DPP8: variants seen among roughly 807,000 people sequenced by gnomAD.
DPP8 encodes dipeptidyl peptidase 8.
A neutral mutation model predicts 107.5 loss-of-function variants in DPP8; 31 were observed. That is an observed-to-expected ratio of 0.29 (90% CI 0.22 to 0.39). The LOEUF is 0.39. Among genes scored for constraint, DPP8 ranks in the 10% least tolerant of loss-of-function variants. The probability of loss-of-function intolerance (pLI) is 1.00; values close to 1 mark genes in which losing one functional copy is unlikely to be tolerated. For missense variants in DPP8, 842 were observed against 1,076.1 expected (o/e 0.78, Z 3.04); for synonymous variants, 381 against 356.6 (o/e 1.07, Z -0.77).
At chr15:65,495,666 C>T (rs569466454) in intron 5 of DPP8, among the ~76,000 whole-genome samples, 4 of 149,868 alleles carry the variant, frequency 2.7e-5, no homozygotes, top group South Asian at 2.1e-4. Flanking sequence ...TTTGGGAGGC[C>T]GAGGTGGGTG....
intron 4 of DPP8, among the ~76,000 whole-genome samples, chr15:65,499,426 T>C (rs1034328333): frequency 1.8e-4 from 27 of 152,052 alleles, no homozygotes. Context: ...TTTCACCATG[T>C]TGGCCAGACT....
At chr15:65,466,867 C>T (rs1403215154) in intron 13 of DPP8, 54 bp from the exon 14 acceptor site, 1 of 1,563,300 alleles carries the variant, frequency 6.4e-7, no homozygotes, top group Admixed American at 1.8e-5. Flanking sequence ...AAAAGGTTAT[C>T]TGCTGTTACA....
intron 16 of DPP8, among the ~76,000 whole-genome samples, chr15:65,454,709 G>C (rs1208959212): frequency 1.3e-5 from 2 of 152,176 alleles, no homozygotes; most frequent in East Asian, 3.9e-4. Flanking sequence ...GTATTTTTTA[G>C]TAGAGACGGA....
intron 5 of DPP8, among the ~76,000 whole-genome samples, chr15:65,496,893 T>C (rs1261378302): frequency 6.6e-6 from 1 of 151,298 alleles, no homozygotes; most frequent in Non-Finnish European, 1.5e-5. Flanking sequence ...CAGTCTCAAG[T>C]AGTTTTATTT....
chr15:65,462,651 C>A (rs2065021200), intron 15 of DPP8, among the ~76,000 whole-genome samples: 1 of 152,042 alleles, frequency 6.6e-6, no homozygotes, highest in Admixed American at 6.6e-5. Flanking sequence ...ACTATCTCGG[C>A]TCACCGCAAC....
At chr15:65,503,447 CTT>C (rs957538375) in intron 3 of DPP8, among the ~76,000 whole-genome samples, 1 of 144,712 alleles carries the variant, frequency 6.9e-6, no homozygotes, top group African/African-American at 2.5e-5. Context: ...TCTTTCTTTT[CTT>C]TTTTTTTTTG....
At chr15:65,502,247 C>T (rs1316932636) in intron 3 of DPP8, among the ~76,000 whole-genome samples, 2 of 151,214 alleles carry the variant, frequency 1.3e-5, no homozygotes, top group Non-Finnish European at 2.9e-5. Flanking sequence ...GAGTTACTGT[C>T]TGTTACTTAT....
In DPP8 at chr15:65,490,244, G is replaced by A; in HGVS notation, c.771C>T (p.Leu257=). The change falls in exon 6 of 20, where the codon CTC becomes CTT. Residue 257 remains leucine (L), a synonymous_variant. Coordinates refer to ENST00000300141, the MANE Select transcript of DPP8 (RefSeq NM_130434.5). ...CAGAATATCTATCAAATTCTTCTTG[G>A]AGAACAAAGGTAGCGACTCCAGCTG... is the stretch of plus-strand genomic sequence containing the variant. ...ARSAGVATFV[L]QEEFDRYSGY... The A allele has an allele frequency of 3.1e-6, 5 of 1,613,798 alleles. No individual in the cohort carries two copies. In the East Asian group the frequency reaches 6.7e-5, roughly 22 times the overall value.
At chr15:65,509,314 GT>G (rs2141086010) in intron 2 of DPP8, among the ~76,000 whole-genome samples, 1 of 152,192 alleles carries the variant, frequency 6.6e-6, no homozygotes, top group African/African-American at 2.4e-5. Flanking sequence ...GACAAAACTG[GT>G]TTTCTTCTCT....
At chr15:65,500,548 G>T in intron 4 of DPP8, 58 bp downstream of exon 4, 2 of 1,376,362 alleles carry the variant, frequency 1.5e-6, no homozygotes, top group Non-Finnish European at 2.0e-6. Flanking sequence ...TTTCTGCTTT[G>T]GGTACAAATA....
chr15:65,489,140 T>C (rs1037344425), intron 6 of DPP8, among the ~76,000 whole-genome samples: 1 of 151,984 alleles, frequency 6.6e-6, no homozygotes, highest in African/African-American at 2.4e-5. Context: ...TTTTGTATTT[T>C]AGTAGAGATG....
In DPP8 at chr15:65,478,955, G is replaced by A; in HGVS notation, c.1381C>T (p.Arg461Cys). 1.9e-6 allele frequency: 3 copies of A among 1,593,720 alleles called. No homozygotes were observed. Among genetic ancestry groups the A allele is most frequent in the Non-Finnish European group, 2.6e-6 (3 of 1,171,758 alleles). The change falls in exon 11 of 20, where the codon CGT (arginine) becomes TGT (cysteine). Residue 461 changes from arginine (R) to cysteine (C), a missense_variant. By Grantham distance (180) the Arg-to-Cys change is radical. Around this residue, in one of 2 missense-constraint regions of DPP8, gnomAD observed 663 missense variants for 758.0 expected, o/e 0.87. Coordinates refer to ENST00000300141, the MANE Select transcript of DPP8 (RefSeq NM_130434.5). ...IFASECKTGFRHLYKITSILK... is the reference protein window; with the variant it reads ...IFASECKTGFCHLYKITSILK... ...ATAGATGTAATTTTGTATAAATGAC[G>A]GAAACCTGTTTTGCATTCAGAGGCA...
At chr15:65,481,814 G>C (rs2066951509) in intron 8 of DPP8, among the ~76,000 whole-genome samples, 199 bp from the exon 9 acceptor site, 1 of 151,990 alleles carries the variant, frequency 6.6e-6, no homozygotes, top group African/African-American at 2.4e-5. Flanking sequence ...GCCTAAAAAA[G>C]TTATAAGCAC....
chr15:65,516,859 G>C (rs1008719573), intron 1 of DPP8: 3 of 152,422 alleles, frequency 2.0e-5, no homozygotes, highest in Admixed American at 6.5e-5. Context: ...TGAGGAACAA[G>C]AGGAGAGGCA....
At chr15:65,510,367 C>T (rs999026882) in intron 2 of DPP8, among the ~76,000 whole-genome samples, 1 of 151,652 alleles carries the variant, frequency 6.6e-6, no homozygotes, top group African/African-American at 2.4e-5. Context: ...TGGGACAATC[C>T]CACAAAGGAT....
chr15:65,501,081 GT>G (rs1345716895), intron 3 of DPP8, among the ~76,000 whole-genome samples: 1 of 151,902 alleles, frequency 6.6e-6, no homozygotes, highest in African/African-American at 2.4e-5. Context: ...GTTTCACCGT[GT>G]TAGCCAGGAT....
chr15:65,493,560 T>C (rs1244894470), intron 5 of DPP8, among the ~76,000 whole-genome samples: 2 of 152,192 alleles, frequency 1.3e-5, no homozygotes, highest in African/African-American at 4.8e-5. Context: ...GGTCAGGTGT[T>C]ACTGCCAAAT....
rs1387960176 is a variant in DPP8 at position 65,443,342 on chromosome 15, G to A, written c.*3542C>T. 2 of 152,066 alleles carry A rather than the reference G, an allele frequency of 1.3e-5. No individual in the cohort carries two copies. The highest frequency in any genetic ancestry group is 4.8e-5 in the African/African-American group (2 of 41,372). 9.4% of individuals were successfully genotyped at this position (152,066 alleles called of 1,614,324 possible). A position where few individuals can be genotyped will look rare whatever the true frequency, so the allele number is the denominator to read the frequency against. ...CATGTAGGTTGTTCTTCTAACAAAT[G>A]AGAATATCAGCTTAGATTAAATCAA... On this transcript the variant is annotated 3_prime_UTR_variant, in exon 20 of 20. Coordinates refer to ENST00000300141, the MANE Select transcript of DPP8 (RefSeq NM_130434.5).
At chr15:65,469,100 T>C (rs2065621808) in intron 12 of DPP8, among the ~76,000 whole-genome samples, 2 of 152,006 alleles carry the variant, frequency 1.3e-5, no homozygotes, top group Admixed American at 6.6e-5. Context: ...CTCAGCCTCC[T>C]GAGTAGCTGG....
Sources: gnomAD v4.1 joint callset for allele counts (sites outside exome capture counted in the v4.1 genomes callset) on GRCh38, gnomAD v4.1.1 for gene constraint, gnomAD v4.1.1 regional missense constraint, MANE v1.5 for transcripts, NCBI Gene and HGNC (gene_info 2026-07-23, HGNC 2026-07-21) for gene names.